Variants in KATNA1 observed in about 807,000 individuals in gnomAD.
KATNA1 encodes the protein katanin catalytic subunit A1, also known as katanin p60 ATPase-containing subunit A1.
A neutral mutation model predicts 62.6 loss-of-function variants in KATNA1; 42 were observed. That is an observed-to-expected ratio of 0.67 (90% CI 0.52 to 0.87). KATNA1 has a LOEUF of 0.87. KATNA1 is among the 40% of genes least tolerant of loss of function. The probability of loss-of-function intolerance (pLI) is 0.00; values close to 1 mark genes in which losing one functional copy is unlikely to be tolerated. For synonymous variants in KATNA1, 186 were observed against 201.9 expected (o/e 0.92, Z 0.67); for missense variants, 498 against 612.5 (o/e 0.81, Z 1.97).
chr6:149,604,216 A>G (rs1253889877), intron 5 of KATNA1, among the ~76,000 whole-genome samples: 1 of 152,216 alleles, frequency 6.6e-6, no homozygotes, highest in East Asian at 1.9e-4. Flanking sequence ...TCATGACTGT[A>G]ATCCTAGCAC....
Position 149,623,354 on chromosome 6 carries a change from TA to T in KATNA1, c.321-72del, listed in dbSNP as rs544568139. The T allele has an allele frequency of 7.7e-4, 874 of 1,127,996 alleles. 3 individuals are homozygous for T. In the African/African-American group the frequency reaches 0.012, roughly 16 times the overall value. The allele number at this position is 1,127,996 out of a possible 1,614,324, so 69.9% of individuals were successfully genotyped here. A position where few individuals can be genotyped will look rare whatever the true frequency, so the allele number is the denominator to read the frequency against. ...GGATGAACACACATACTGTGTAAGT[TA>T]AGAGTCTATGAACTAAAGAAGCCAA... On this transcript the variant is annotated intron_variant, in intron 3 of 10. Transcript: ENST00000367411.
intron 3 of KATNA1, among the ~76,000 whole-genome samples, chr6:149,631,053 T>C (rs1053420734): frequency 2.6e-5 from 4 of 152,164 alleles, no homozygotes; most frequent in African/African-American, 7.2e-5. Context: ...ATAACACCTA[T>C]AGCCTAAAAT....
At chr6:149,622,984 G>A in intron 4 of KATNA1, 119 bp downstream of exon 4, 1 of 713,618 alleles carries the variant, frequency 1.4e-6, no homozygotes, top group Non-Finnish European at 2.2e-6. Flanking sequence ...ACCCCAGCCT[G>A]GGTGACAGAG....
chr6:149,597,570 A>C lies in KATNA1; in HGVS notation c.1087T>G (p.Trp363Gly). Reference sequence around the variant, plus strand: ...CGTCTTAAAGCCTCATCTATATCCCAGGGAAAATTAGTAGCTGCCAGAACC... The same window carrying C: ...CGTCTTAAAGCCTCATCTATATCCCCGGGAAAATTAGTAGCTGCCAGAACC... Reference protein sequence around the residue: ...VMVLAATNFPWDIDEALRRRL... With the variant: ...VMVLAATNFPGDIDEALRRRL... The change falls in exon 9 of 11, where the codon TGG (tryptophan) becomes GGG (glycine). Residue 363 changes from tryptophan to glycine, a missense_variant. Transcript: ENST00000367411. 6.2e-7 allele frequency: 1 copy of C among 1,614,032 alleles called. No homozygotes were observed. The highest frequency in any genetic ancestry group is 8.5e-7 in the Non-Finnish European group (1 of 1,179,906).
chr6:149,621,545 T>G (rs998472605), intron 4 of KATNA1, among the ~76,000 whole-genome samples: 8 of 151,648 alleles, frequency 5.3e-5, no homozygotes, highest in African/African-American at 1.7e-4. Flanking sequence ...CAGGCTAGAC[T>G]GCAGTGGTGT....
rs148095436 is a variant in KATNA1, at chr6:149,628,468, C to G, written c.320+4291G>C. Among the ~76,000 whole-genome samples, 232 of 151,670 alleles carry G rather than the reference C, an allele frequency of 1.5e-3. 1 individual carries two copies. The highest frequency in any genetic ancestry group is 5.3e-3 in the African/African-American group (218 of 41,396). ...GAATACTGGATCAGTTGAATCTGTT[C>G]TTTAATGGTACTAAAATTTAGCTGA... On this transcript the variant is annotated intron_variant, in intron 3 of 10. Transcript: ENST00000367411.
chr6:149,601,355 T>C (rs2115081752), intron 7 of KATNA1, among the ~76,000 whole-genome samples: 1 of 152,206 alleles, frequency 6.6e-6, no homozygotes. Context: ...GTAATGCAGA[T>C]CCCATAATGT....
At chr6:149,620,679 A>G (rs1187276914) in intron 4 of KATNA1, among the ~76,000 whole-genome samples, 1 of 152,232 alleles carries the variant, frequency 6.6e-6, no homozygotes, top group South Asian at 2.1e-4. Flanking sequence ...CAAAGAAATG[A>G]TAAATGTTTG....
chr6:149,623,193 G>A lies in KATNA1; in HGVS notation c.411C>T (p.His137=), dbSNP rs1263981056. 6.2e-7 allele frequency: 1 copy of A among 1,613,472 alleles called. No individual in the cohort carries two copies. Among genetic ancestry groups the A allele is most frequent in the East Asian group, 2.2e-5 (1 of 44,884 alleles). The stretch of plus-strand genomic sequence containing the variant: ...TGTGAACATTCTGTGCAGATGAACG[G>A]TGAACTCTGACAGTTGTACTTGGAC... The part of the protein sequence containing the change: ...GNRPSTTVRV[H]RSSAQNVHND... Residue 137 remains histidine (H), a synonymous_variant, in exon 4 of 11, where the codon CAC becomes CAT. Transcript: ENST00000367411.
intron 2 of KATNA1, among the ~76,000 whole-genome samples, chr6:149,637,431 G>C (rs537215267): frequency 4.5e-4 from 68 of 152,218 alleles, no homozygotes; most frequent in African/African-American, 1.4e-3. Context: ...TATGGTACCT[G>C]TGAGATTCAC....
chr6:149,638,671 C>T, intron 1 of KATNA1, 111 bp from the exon 2 acceptor site: 2 of 639,968 alleles, frequency 3.1e-6, no homozygotes, highest in Non-Finnish European at 5.4e-6. Flanking sequence ...ATCACACATA[C>T]CACACTTCCC....
At position 149,597,195 on chromosome 6, in the gene KATNA1, G is replaced by A. The variant is rs551532653; in HGVS notation, c.1151-6C>T. 3 of 1,611,796 alleles carry A rather than the reference G, an allele frequency of 1.9e-6. No homozygotes were observed. Among genetic ancestry groups the A allele is most frequent in the African/African-American group, 1.3e-5 (1 of 74,840 alleles). On this transcript the variant is annotated splice_region_variant and splice_polypyrimidine_tract_variant and intron_variant, in intron 9 of 10. Coordinates refer to ENST00000367411, the MANE Select transcript of KATNA1 (RefSeq NM_007044.4). Reference sequence around the variant, plus strand: ...TAGCTCCTCCCTGCCTTTTGCTAATGGTAGAAACAAATTTTAAAATGTAAG... The same window carrying A: ...TAGCTCCTCCCTGCCTTTTGCTAATAGTAGAAACAAATTTTAAAATGTAAG...
intron 4 of KATNA1, among the ~76,000 whole-genome samples, chr6:149,621,679 G>A (rs1458193617): frequency 6.6e-6 from 1 of 151,296 alleles, no homozygotes; most frequent in Non-Finnish European, 1.5e-5. Flanking sequence ...TTTTAGTAGA[G>A]ACAGGGTTTC....
At chr6:149,595,811 T>C (rs116221205) in intron 10 of KATNA1, among the ~76,000 whole-genome samples, 4 of 152,236 alleles carry the variant, frequency 2.6e-5, no homozygotes, top group African/African-American at 9.6e-5. Flanking sequence ...CTGTGTGGTA[T>C]GCTCACTTTA....
chr6:149,610,478 T>C (rs986474038), intron 4 of KATNA1, among the ~76,000 whole-genome samples: 2 of 151,976 alleles, frequency 1.3e-5, no homozygotes, highest in African/African-American at 4.8e-5. Context: ...TAGACAAGTT[T>C]AAAAAAATTG....
intron 4 of KATNA1, among the ~76,000 whole-genome samples, chr6:149,616,411 T>C (rs1170562061): frequency 2.0e-5 from 3 of 152,146 alleles, no homozygotes; most frequent in Non-Finnish European, 2.9e-5. Context: ...GTAATCCTGG[T>C]AGGAATATAA....
intron 3 of KATNA1, 46 bp downstream of exon 3, chr6:149,632,713 T>C: frequency 1.3e-6 from 2 of 1,547,862 alleles, no homozygotes; most frequent in Non-Finnish European, 1.7e-6. Flanking sequence ...TAATCAATGC[T>C]ATAAGCTTCT....
rs899866821 is a variant in KATNA1 at position 149,623,238 on chromosome 6, G to T, written c.366C>A (p.Asp122Glu). ...TTGGACGATTACCATGTGATTTAGG[G>T]TCACTGTACTGAGAAGATTGGCGTT... ...PRKRQSSQYS[D>E]PKSHGNRPST... The change falls in exon 4 of 11, where the codon GAC becomes GAA. Residue 122 changes from aspartate to glutamate, a missense_variant. By Grantham distance (45) the Asp-to-Glu change is conservative. Coordinates refer to ENST00000367411, the MANE Select transcript of KATNA1 (RefSeq NM_007044.4). 1.9e-6 allele frequency: 3 copies of T among 1,612,216 alleles called. No homozygotes were observed. Among genetic ancestry groups the T allele is most frequent in the South Asian group, 1.1e-5 (1 of 90,508 alleles).
chr6:149,634,937 CA>C (rs1780010915), intron 2 of KATNA1, among the ~76,000 whole-genome samples: 2 of 115,790 alleles, frequency 1.7e-5, no homozygotes. Context: ...TTTTTAAAAG[CA>C]GTCTTTTTTT....
Sources: gnomAD v4.1 joint callset for allele counts (sites outside exome capture counted in the v4.1 genomes callset) on GRCh38, gnomAD v4.1.1 for gene constraint, MANE v1.5 for transcripts, NCBI Gene and HGNC (gene_info 2026-07-23, HGNC 2026-07-21) for gene names.